The following SDK1 variants were observed in gnomAD, a reference collection of about 807,000 sequenced individuals.
SDK1 encodes sidekick cell adhesion molecule 1, also known as protein sidekick-1.
SDK1 carries 157 observed loss-of-function variants against 245.5 expected under a neutral mutation model. That is an observed-to-expected ratio of 0.64 (90% CI 0.56 to 0.73). The LOEUF (loss-of-function observed/expected upper bound fraction) is 0.73, where lower values mean the gene tolerates loss of function less well. Ranked by LOEUF, SDK1 falls within the 30% of genes least tolerant of loss-of-function variation. SDK1 has a pLI of 0.00. For synonymous variants in SDK1, 1,647 were observed against 1,278.5 expected, an observed-to-expected ratio of 1.29 and a Z score of -6.15; for missense variants, 3,583 against 3,002.3, an observed-to-expected ratio of 1.19 and a Z score of -4.52.
At position 4,114,398 on chromosome 7, in the gene SDK1, G is replaced by T. The variant is rs1346503528; in HGVS notation, c.3823+124G>T. 10 of 758,156 alleles carry T rather than the reference G, an allele frequency of 1.3e-5. No individual in the cohort carries two copies. In the East Asian group the frequency reaches 2.4e-4, roughly 18 times the overall value. The allele number at this position is 758,156 out of a possible 1,614,324, so 47.0% of individuals were successfully genotyped here. On this transcript the variant is annotated intron_variant, in intron 25 of 44. Coordinates refer to ENST00000404826, the MANE Select transcript of SDK1 (RefSeq NM_152744.4). ...CTGTCCCACTTGTGTCTGTCTTGGA[G>T]CTTTCCTAATCCCGGGTTTGGCCAG... is the stretch of plus-strand genomic sequence containing the variant.
chr7:3,391,723 G>A (rs117199379), intron 1 of SDK1, among the ~76,000 whole-genome samples: 2,248 of 146,218 alleles, frequency 0.015, 30 homozygotes, highest in South Asian at 0.045. Context: ...TGCAACCTCC[G>A]CTTGCCAGGT....
intron 1 of SDK1, among the ~76,000 whole-genome samples, chr7:3,465,073 T>C (rs1780951154): frequency 6.6e-6 from 1 of 152,146 alleles, no homozygotes; most frequent in Non-Finnish European, 1.5e-5. Context: ...AGTCAGAATT[T>C]ACATGTGGTG....
chr7:3,934,638 G>A (rs1459511071), intron 5 of SDK1, among the ~76,000 whole-genome samples: 1 of 152,260 alleles, frequency 6.6e-6, no homozygotes, highest in Non-Finnish European at 1.5e-5. Context: ...TCTGAAGCAT[G>A]CAGGGATCCA....
At chr7:4,247,399 G>A (rs575955467) in intron 44 of SDK1, among the ~76,000 whole-genome samples, 1 of 152,318 alleles carries the variant, frequency 6.6e-6, no homozygotes, top group South Asian at 2.1e-4. Flanking sequence ...GCAGATGCTC[G>A]GAAAGGGACA....
At chr7:3,667,849 T>C (rs992414673) in intron 4 of SDK1, among the ~76,000 whole-genome samples, 1 of 152,214 alleles carries the variant, frequency 6.6e-6, no homozygotes. Flanking sequence ...ATTCCCCAGT[T>C]GAAGGGCATT....
chr7:3,849,380 T>G (rs1041018220), intron 5 of SDK1, among the ~76,000 whole-genome samples: 2 of 152,192 alleles, frequency 1.3e-5, no homozygotes, highest in African/African-American at 4.8e-5. Flanking sequence ...TATCCTTGAG[T>G]AGTGCAAAGC....
At chr7:4,022,345 G>C (rs1408385728) in intron 17 of SDK1, among the ~76,000 whole-genome samples, 1 of 152,170 alleles carries the variant, frequency 6.6e-6, no homozygotes, top group African/African-American at 2.4e-5. Context: ...GGCAGCTTGA[G>C]GTATCCGGGG....
At chr7:4,007,444 C>T (rs1379766918) in intron 14 of SDK1, among the ~76,000 whole-genome samples, 2 of 152,072 alleles carry the variant, frequency 1.3e-5, no homozygotes, top group Non-Finnish European at 2.9e-5. Flanking sequence ...GGGCAGGAGT[C>T]CCGAGGACAG....
At chr7:3,870,265 A>G (rs1249023273) in intron 5 of SDK1, among the ~76,000 whole-genome samples, 1 of 152,086 alleles carries the variant, frequency 6.6e-6, no homozygotes, top group Non-Finnish European at 1.5e-5. Flanking sequence ...ATTTATTCTA[A>G]TATATAAAGT....
At chr7:3,762,160 A>G (rs1480228619) in intron 4 of SDK1, among the ~76,000 whole-genome samples, 1 of 152,220 alleles carries the variant, frequency 6.6e-6, no homozygotes. Context: ...ATTGAAATCT[A>G]AATACTCCTA....
At chr7:4,002,955 G>A (rs776124663) in intron 14 of SDK1, among the ~76,000 whole-genome samples, 13 of 152,238 alleles carry the variant, frequency 8.5e-5, no homozygotes, top group Non-Finnish European at 1.3e-4. Flanking sequence ...AGGGCACTGG[G>A]CAGTGCTGTT....
chr7:3,665,401 C>G (rs975214087), intron 4 of SDK1, among the ~76,000 whole-genome samples: 8 of 152,154 alleles, frequency 5.3e-5, no homozygotes, highest in Admixed American at 2.0e-4. Flanking sequence ...TTCTTTTAGT[C>G]CTGCTCTAGC....
rs34174910 is a variant in SDK1 at position 4,102,954 on chromosome 7, TAAAAAAAAA to T, written c.3325-7695_3325-7687del. On this transcript the variant is annotated intron_variant, in intron 22 of 44. Coordinates refer to ENST00000404826, the MANE Select transcript of SDK1 (RefSeq NM_152744.4). ...ACTGTTTATTAGCCTTAAAAAAAGTTAAAAAAAAAAAAAAAAAAAAAAGCCGTTCAAAAT... is the reference window on the plus strand; with the variant it reads ...ACTGTTTATTAGCCTTAAAAAAAGTTAAAAAAAAAAAAAGCCGTTCAAAAT... 5.3e-4 allele frequency among the ~76,000 whole-genome samples: 60 copies of T among 113,238 alleles called. No homozygotes were observed. In the South Asian group the frequency reaches 5.9e-3, roughly 11 times the overall value. The allele number at this position is 113,238 out of a possible 152,430, so 74.3% of individuals were successfully genotyped here.
rs572022075 is a variant in SDK1 at position 4,145,786 on chromosome 7, C to T, written c.4293C>T (p.Gly1431=). ...SPHTFTTVEV[G]ATVRQFTATD... ...ACACCTTCACCACCGTGGAGGTCGG[C>T]GCCACAGTGAGGCAGTTCACAGCCA... Residue 1431 remains glycine, a synonymous_variant, in exon 29 of 45, where the codon GGC becomes GGT. Transcript: ENST00000404826. The T allele has an allele frequency of 1.2e-4, 196 of 1,613,716 alleles. 1 individual carries two copies. The South Asian group carries it at 1.5e-3, about 12-fold the overall frequency.
chr7:3,350,814 A>T (rs1036755800), intron 1 of SDK1, among the ~76,000 whole-genome samples: 4 of 152,204 alleles, frequency 2.6e-5, no homozygotes, highest in Non-Finnish European at 5.9e-5. Flanking sequence ...TTTGTGTGAC[A>T]CTGAAAAAAA....
chr7:4,038,260 T>C (rs1788360143), intron 17 of SDK1, among the ~76,000 whole-genome samples: 2 of 152,238 alleles, frequency 1.3e-5, no homozygotes, highest in African/African-American at 2.4e-5. Context: ...AGCTTCTCCT[T>C]CTGCCCTGTC....
chr7:3,703,030 T>C (rs1346388937), intron 4 of SDK1, among the ~76,000 whole-genome samples: 2 of 149,632 alleles, frequency 1.3e-5, no homozygotes, highest in Non-Finnish European at 3.0e-5. Flanking sequence ...AATAGTAGTT[T>C]CTTTAAAAAG....
chr7:4,122,312 A>G (rs1784117218), intron 25 of SDK1, among the ~76,000 whole-genome samples: 2 of 152,072 alleles, frequency 1.3e-5, no homozygotes, highest in African/African-American at 4.8e-5. Context: ...CTTTTTTGAA[A>G]TGGGGGGAGG....
Position 3,320,085 on chromosome 7 carries a change from C to T in SDK1, c.298+18201C>T, listed in dbSNP as rs191065145. Among the ~76,000 whole-genome samples the T allele has an allele frequency of 4.1e-3, 627 of 151,932 alleles. 7 individuals are homozygous for T. Among genetic ancestry groups the T allele is most frequent in the South Asian group, 0.018 (85 of 4,782 alleles). ...GAAATTGTTCTCCCCAATTTATTCC[C>T]CCTTTCCTCATTCTCTTCTGATGTA... On this transcript the variant is annotated intron_variant, in intron 1 of 44. Coordinates refer to ENST00000404826, the MANE Select transcript of SDK1 (RefSeq NM_152744.4).
Sources: allele counts gnomAD v4.1 joint callset (sites outside exome capture counted in the v4.1 genomes callset), GRCh38; gene constraint gnomAD v4.1.1; transcripts MANE v1.5; gene names NCBI Gene and HGNC (gene_info 2026-07-23, HGNC 2026-07-21).